CEP164: variants seen among roughly 807,000 people sequenced by gnomAD.
CEP164 encodes centrosomal protein 164.
CEP164 carries 162 observed loss-of-function variants against 182.7 expected under a neutral mutation model. The observed-to-expected ratio is 0.89, with a 90% CI of 0.78 to 1.01. The LOEUF is 1.01. CEP164 is among the 50% of genes least tolerant of loss of function. The probability of loss-of-function intolerance (pLI) is 0.00; values close to 1 mark genes in which losing one functional copy is unlikely to be tolerated. For synonymous variants in CEP164, 661 were observed against 690.0 expected (o/e 0.96, Z 0.66); for missense variants, 1,735 against 1,790.4 (o/e 0.97, Z 0.56).
rs918529207 is a variant in CEP164 at position 117,407,953 on chromosome 11, C to T, written c.3530C>T (p.Ser1177Leu). ...ACCAGGCACCTGGATGAGATGAAGT[C>T]GGCCATGCGGAAAGGCCACAACCTG... Reference protein sequence around the residue: ...KETRHLDEMKSAMRKGHNLLK... With the variant: ...KETRHLDEMKLAMRKGHNLLK... Residue 1177 changes from serine (S) to leucine (L), a missense_variant, in exon 28 of 33, where the codon TCG becomes TTG. Physicochemically the swap from Ser to Leu is moderately radical, Grantham distance 145 (BLOSUM62 -2). Coordinates refer to ENST00000278935, the MANE Select transcript of CEP164 (RefSeq NM_014956.5). 13 of 1,599,288 alleles carry T rather than the reference C, an allele frequency of 8.1e-6. No homozygotes were observed. Among genetic ancestry groups the T allele is most frequent in the Admixed American group, 3.4e-5 (2 of 58,004 alleles).
chr11:117,404,139 T>C (rs529775840), intron 27 of CEP164, among the ~76,000 whole-genome samples: 1 of 152,270 alleles, frequency 6.6e-6, no homozygotes, highest in South Asian at 2.1e-4. Flanking sequence ...ACCCACCCTC[T>C]GAAGCCTATT....
At chr11:117,400,213 G>A (rs1286164031) in intron 27 of CEP164, among the ~76,000 whole-genome samples, 7 of 152,188 alleles carry the variant, frequency 4.6e-5, no homozygotes, top group Non-Finnish European at 8.8e-5. Flanking sequence ...TGGCTAGTCA[G>A]TTTTCACAAC....
At chr11:117,353,558 T>C (rs950352218) in intron 5 of CEP164, among the ~76,000 whole-genome samples, 1 of 151,958 alleles carries the variant, frequency 6.6e-6, no homozygotes, top group Non-Finnish European at 1.5e-5. Context: ...GAGATGTAGA[T>C]GTGTGATTGG....
Position 117,390,794 on chromosome 11 carries a change from T to C in CEP164, c.1952T>C (p.Leu651Pro). 1.9e-6 allele frequency: 3 copies of C among 1,613,976 alleles called. No homozygotes were observed. The highest frequency in any genetic ancestry group is 2.5e-6 in the Non-Finnish European group (3 of 1,179,996). The change falls in exon 16 of 33, where the codon CTG (leucine) becomes CCG (proline). Residue 651 changes from leucine (L) to proline (P), a missense_variant. By Grantham distance (98) the Leu-to-Pro change is moderately conservative (BLOSUM62 -3). Transcript: ENST00000278935. ...EQSLSSLRER[L>P]QKAIEEEEAR... ...CATCTCAGTTCCTTGAGGGAGCGGCTGCAGAAAGCCATTGAGGAGGAGGAG... is the reference window on the plus strand; with the variant it reads ...CATCTCAGTTCCTTGAGGGAGCGGCCGCAGAAAGCCATTGAGGAGGAGGAG...
intron 4 of CEP164, among the ~76,000 whole-genome samples, chr11:117,349,922 A>G (rs952657979): frequency 7.2e-5 from 11 of 152,050 alleles, no homozygotes; most frequent in African/African-American, 2.7e-4. Flanking sequence ...TTACAGGCAC[A>G]CGCCACCATG....
At chr11:117,407,686 GTTAACAGTAACCATCTGA>G (rs1311932142) in intron 27 of CEP164, among the ~76,000 whole-genome samples, 3 of 152,076 alleles carry the variant, frequency 2.0e-5, no homozygotes, top group Non-Finnish European at 4.4e-5. Context: ...TAACCATTTG[GTTAACAGTAACCATCTGA>G]GAGTTTTTAA....
rs2044810602 is a variant in CEP164, at chr11:117,392,611, C to T, written c.2477C>T (p.Ala826Val). 1.2e-6 allele frequency: 2 copies of T among 1,613,902 alleles called. No homozygotes were observed. The highest frequency in any genetic ancestry group is 1.7e-6 in the Non-Finnish European group (2 of 1,179,984). ...GTTCACCAGAAGTCTTATCACGTGG[C>T]TGGGTATGAGCACGAGGTGAGTGCT... Reference protein sequence around the residue: ...HRVHQKSYHVAGYEHELSSLL... With the variant: ...HRVHQKSYHVVGYEHELSSLL... The change falls in exon 19 of 33, where the codon GCT becomes GTT. Residue 826 changes from alanine (A) to valine (V), a missense_variant. By Grantham distance (64) the Ala-to-Val change is moderately conservative. Coordinates refer to ENST00000278935, the MANE Select transcript of CEP164 (RefSeq NM_014956.5).
chr11:117,342,791 T>G (rs1214151709), intron 3 of CEP164, among the ~76,000 whole-genome samples: 1 of 151,608 alleles, frequency 6.6e-6, no homozygotes, highest in Non-Finnish European at 1.5e-5. Flanking sequence ...AGCTCTTAAG[T>G]CAGTACATAT....
intron 11 of CEP164, among the ~76,000 whole-genome samples, chr11:117,380,305 C>T (rs2043180471): frequency 6.6e-6 from 1 of 152,086 alleles, no homozygotes; most frequent in Admixed American, 6.5e-5. Context: ...CAGCAGGAGG[C>T]AGGATTTTCT....
intron 27 of CEP164, among the ~76,000 whole-genome samples, 196 bp downstream of exon 27, chr11:117,397,509 C>T (rs565113351): frequency 6.6e-6 from 1 of 152,320 alleles, no homozygotes; most frequent in South Asian, 2.1e-4. Context: ...ATAATTTAAA[C>T]CTCATGATAA....
At chr11:117,339,690 G>A (rs1200644856) in intron 3 of CEP164, among the ~76,000 whole-genome samples, 2 of 151,502 alleles carry the variant, frequency 1.3e-5, no homozygotes, top group African/African-American at 4.8e-5. Context: ...CACCACACCT[G>A]GGGAACTAAT....
intron 5 of CEP164, chr11:117,356,315 C>G (rs549779780): frequency 1.8e-6 from 2 of 1,129,772 alleles, no homozygotes; most frequent in Admixed American, 8.5e-5. Flanking sequence ...TGAGAGCATG[C>G]AGGACATGCC....
intron 5 of CEP164, chr11:117,359,507 A>G: frequency 2.0e-6 from 2 of 985,420 alleles, no homozygotes; most frequent in Non-Finnish European, 2.4e-6. Flanking sequence ...TGATGCAGAA[A>G]TGGGCCCTGC....
chr11:117,392,898 G>A, intron 19 of CEP164, 106 bp from the exon 20 acceptor site: 1 of 1,529,712 alleles, frequency 6.5e-7, no homozygotes, highest in South Asian at 1.2e-5. Context: ...TGTTGTGTGT[G>A]TTGGGGGAGA....
At chr11:117,357,457 TG>T (rs1165824563) in intron 5 of CEP164, among the ~76,000 whole-genome samples, 3 of 149,946 alleles carry the variant, frequency 2.0e-5, no homozygotes, top group African/African-American at 7.4e-5. Context: ...AGTCTTGCTC[TG>T]TTGCCCAGGC....
At chr11:117,351,715 C>CT in intron 4 of CEP164, 75 bp from the exon 5 acceptor site, 1 of 1,427,952 alleles carries the variant, frequency 7.0e-7, no homozygotes, top group Non-Finnish European at 9.7e-7. Flanking sequence ...CTCCCTTTTT[C>CT]TTTTTTTCCC....
At chr11:117,356,315 C>T (rs549779780) in intron 5 of CEP164, 73 of 1,129,654 alleles carry the variant, frequency 6.5e-5, no homozygotes, top group Non-Finnish European at 7.7e-5. Context: ...TGAGAGCATG[C>T]AGGACATGCC....
intron 27 of CEP164, 41 bp downstream of exon 27, chr11:117,397,354 G>C (rs2045610481): frequency 6.4e-7 from 1 of 1,566,548 alleles, no homozygotes; most frequent in Non-Finnish European, 8.7e-7. Context: ...CTGTGTGGGG[G>C]AGGCGGGGGG....
intron 8 of CEP164, among the ~76,000 whole-genome samples, chr11:117,370,388 A>T (rs936199444): frequency 1.2e-4 from 19 of 152,248 alleles, no homozygotes; most frequent in African/African-American, 4.3e-4. Context: ...TTCCATCATC[A>T]TCTTGAATAA....
Sources: gnomAD v4.1 joint callset for allele counts (sites outside exome capture counted in the v4.1 genomes callset) on GRCh38, gnomAD v4.1.1 for gene constraint, MANE v1.5 for transcripts, NCBI Gene and HGNC (gene_info 2026-07-23, HGNC 2026-07-21) for gene names.